The following RBFOX1 variants were observed in gnomAD, a reference collection of about 807,000 sequenced individuals.
The protein encoded by RBFOX1 is RNA binding fox-1 homolog 1.
A neutral mutation model predicts 57.7 loss-of-function variants in RBFOX1; 8 were observed. The observed-to-expected ratio is 0.14, with a 90% CI of 0.08 to 0.25. The LOEUF (loss-of-function observed/expected upper bound fraction) is 0.25. RBFOX1 is among the 10% of genes least tolerant of loss of function. The pLI, the probability that RBFOX1 is intolerant of heterozygous loss-of-function variation, is 1.00. For missense variants in RBFOX1, 611 were observed against 548.5 expected (o/e 1.11, Z -1.14); for synonymous variants, 326 against 222.4 (o/e 1.47, Z -4.15).
At chr16:5,874,074 G>C (rs1886785748) in intron 4 of RBFOX1, among the ~76,000 whole-genome samples, 1 of 152,224 alleles carries the variant, frequency 6.6e-6, no homozygotes, top group African/African-American at 2.4e-5. Context: ...GAGAGAGGTA[G>C]GGGTATTGGA....
chr16:6,234,973 A>G (rs910759092), intron 1 of RBFOX1, among the ~76,000 whole-genome samples: 1 of 152,178 alleles, frequency 6.6e-6, no homozygotes, highest in Non-Finnish European at 1.5e-5. Context: ...AGGACTCTGT[A>G]CCACTTTTGC....
chr16:7,274,849 T>C (rs1235158842), intron 4 of RBFOX1, among the ~76,000 whole-genome samples: 1 of 151,970 alleles, frequency 6.6e-6, no homozygotes, highest in Non-Finnish European at 1.5e-5. Flanking sequence ...CACACCTGGC[T>C]GATTTTTATA....
chr16:7,002,157 C>G (rs2092876235), intron 3 of RBFOX1, among the ~76,000 whole-genome samples: 1 of 152,010 alleles, frequency 6.6e-6, no homozygotes, highest in Non-Finnish European at 1.5e-5. Context: ...TTATTGTGGC[C>G]ATCCACCTCT....
intron 1 of RBFOX1, among the ~76,000 whole-genome samples, chr16:5,400,668 T>C (rs569967375): frequency 6.9e-6 from 1 of 143,912 alleles, no homozygotes; most frequent in South Asian, 2.1e-4. Context: ...CATGATTGAT[T>C]TTTTTTTTCT....
At chr16:5,465,348 G>A (rs1402247564) in intron 1 of RBFOX1, among the ~76,000 whole-genome samples, 1 of 152,132 alleles carries the variant, frequency 6.6e-6, no homozygotes, top group African/African-American at 2.4e-5. Flanking sequence ...TCAGGGCCCA[G>A]TCTAACAGCC....
chr16:6,792,064 A>G (rs2154249279), intron 3 of RBFOX1, among the ~76,000 whole-genome samples: 1 of 152,288 alleles, frequency 6.6e-6, no homozygotes, highest in South Asian at 2.1e-4. Flanking sequence ...ACGAACTATC[A>G]CATATATTAC....
rs778753196 is a variant in RBFOX1 at position 6,859,174 on chromosome 16, T to TATATATATAC, written c.-15-192883_-15-192882insATATATATAC. On this transcript the variant is annotated intron_variant, in intron 3 of 15. Coordinates refer to ENST00000550418, the MANE Select transcript of RBFOX1 (RefSeq NM_018723.4). ...ATATGTATATATATACGTATATATA[T>TATATATATAC]GTATATATATGTATATATATATGTA... is the stretch of plus-strand genomic sequence containing the variant. Among the ~76,000 whole-genome samples, 8 of 65,104 alleles carry TATATATATAC rather than the reference T, an allele frequency of 1.2e-4. 1 individual carries two copies. Among genetic ancestry groups the TATATATATAC allele is most frequent in the African/African-American group, 6.9e-4 (8 of 11,632 alleles). The allele number at this position is 65,104 out of a possible 152,430, so 42.7% of individuals were successfully genotyped here.
At chr16:7,140,802 T>G (rs533173774) in intron 4 of RBFOX1, among the ~76,000 whole-genome samples, 1 of 152,088 alleles carries the variant, frequency 6.6e-6, no homozygotes, top group South Asian at 2.1e-4. Flanking sequence ...TTCCTTGGTA[T>G]GCTCATAATG....
intron 1 of RBFOX1, among the ~76,000 whole-genome samples, chr16:5,433,729 C>T (rs2151519162): frequency 6.6e-6 from 1 of 152,170 alleles, no homozygotes; most frequent in East Asian, 1.9e-4. Context: ...CTCTCCTTTC[C>T]TCCCCTCCCT....
At chr16:7,510,594 C>G (rs955366891) in intron 4 of RBFOX1, among the ~76,000 whole-genome samples, 1 of 152,018 alleles carries the variant, frequency 6.6e-6, no homozygotes, top group Non-Finnish European at 1.5e-5. Context: ...TTAATGGTGT[C>G]CTTTTGCATT....
At chr16:6,542,772 G>T (rs1321296674) in intron 2 of RBFOX1, among the ~76,000 whole-genome samples, 2 of 152,088 alleles carry the variant, frequency 1.3e-5, no homozygotes, top group East Asian at 3.9e-4. Flanking sequence ...GATTACAGGT[G>T]TGAACCACTG....
Position 5,827,871 on chromosome 16 carries a change from G to GTCCATCCA in RBFOX1, c.319-39391_319-39384dup, listed in dbSNP as rs58720656. 3.8e-4 allele frequency among the ~76,000 whole-genome samples: 49 copies of GTCCATCCA among 128,340 alleles called. 1 individual carries two copies. Among genetic ancestry groups the GTCCATCCA allele is most frequent in the Non-Finnish European group, 6.3e-4 (40 of 63,508 alleles). 84.2% of individuals were successfully genotyped at this position (128,340 alleles called of 152,430 possible). On this transcript the variant is annotated intron_variant, in intron 3 of 19. Coordinates refer to the RBFOX1 transcript ENST00000641259. Reference sequence around the variant, plus strand: ...CACCCACCCACTCATCCAGGCTTTTGTCCATCCATCCATCCATCCATCCAT... The same window carrying GTCCATCCA: ...CACCCACCCACTCATCCAGGCTTTTGTCCATCCATCCATCCATCCATCCATCCATCCAT...
At chr16:5,663,528 T>C (rs939586434) in intron 3 of RBFOX1, among the ~76,000 whole-genome samples, 25 of 152,166 alleles carry the variant, frequency 1.6e-4, no homozygotes, top group African/African-American at 4.6e-4. Context: ...GAATAGCCAA[T>C]TGAAATAGCT....
intron 3 of RBFOX1, among the ~76,000 whole-genome samples, chr16:6,876,438 A>G (rs1567674258): frequency 6.6e-6 from 1 of 152,188 alleles, no homozygotes; most frequent in African/African-American, 2.4e-5. Flanking sequence ...ACTCTTAAAA[A>G]TGAAGTGATA....
intron 4 of RBFOX1, among the ~76,000 whole-genome samples, chr16:7,469,136 G>A (rs569978771): frequency 6.6e-6 from 1 of 152,028 alleles, no homozygotes; most frequent in Non-Finnish European, 1.5e-5. Context: ...GGGTTTGACC[G>A]TGTTAGCCAG....
intron 1 of RBFOX1, among the ~76,000 whole-genome samples, chr16:6,106,951 G>A (rs766091722): frequency 4.6e-5 from 7 of 152,108 alleles, no homozygotes; most frequent in South Asian, 2.1e-4. Context: ...GATTACAGGC[G>A]TGAGCCACCA....
At chr16:7,302,329 C>T (rs909746871) in intron 4 of RBFOX1, among the ~76,000 whole-genome samples, 3 of 152,178 alleles carry the variant, frequency 2.0e-5, no homozygotes, top group Admixed American at 1.3e-4. Context: ...GTTTTCTTTT[C>T]TTCAGAAAGC....
chr16:7,498,344 A>G (rs995964624), intron 4 of RBFOX1, among the ~76,000 whole-genome samples: 4 of 152,156 alleles, frequency 2.6e-5, no homozygotes, highest in South Asian at 2.1e-4. Context: ...AATGGTGTAC[A>G]TGGGTCTCAC....
chr16:6,875,044 G>C (rs1037613805), intron 3 of RBFOX1, among the ~76,000 whole-genome samples: 1 of 152,192 alleles, frequency 6.6e-6, no homozygotes, highest in Admixed American at 6.5e-5. Flanking sequence ...GTGGGAGCAA[G>C]TGTGGTCAAG....
Sources: gnomAD v4.1 joint callset for allele counts (sites outside exome capture counted in the v4.1 genomes callset) on GRCh38, gnomAD v4.1.1 for gene constraint, MANE v1.5 for transcripts, NCBI Gene and HGNC (gene_info 2026-07-23, HGNC 2026-07-21) for gene names.